BLM: variants seen among roughly 807,000 people sequenced by gnomAD.
BLM encodes BLM RecQ like helicase.
BLM carries 95 observed loss-of-function variants against 135.3 expected under a neutral mutation model. The observed-to-expected ratio is 0.70, with a 90% CI of 0.59 to 0.83. The LOEUF is 0.83. BLM is among the 40% of genes least tolerant of loss of function. BLM has a pLI of 0.00. For missense variants in BLM, 1,518 were observed against 1,663.9 expected (o/e 0.91, Z 1.53); for synonymous variants, 520 against 589.2 (o/e 0.88, Z 1.70).
At chr15:90,770,422 C>T (rs1334890801) in intron 12 of BLM, among the ~76,000 whole-genome samples, 2 of 152,120 alleles carry the variant, frequency 1.3e-5, no homozygotes, top group Admixed American at 6.5e-5. Context: ...GTGATCCGCC[C>T]GCCTTGGCCT....
intron 5 of BLM, among the ~76,000 whole-genome samples, chr15:90,756,193 T>TA (rs1419711786): frequency 6.6e-6 from 1 of 151,994 alleles, no homozygotes; most frequent in African/African-American, 2.4e-5. Flanking sequence ...AGCCTCCGCC[T>TA]TCCAGGATCA....
chr15:90,771,182 G>C (rs967067873), intron 12 of BLM, among the ~76,000 whole-genome samples: 7 of 152,256 alleles, frequency 4.6e-5, no homozygotes, highest in Middle Eastern at 6.8e-3. Flanking sequence ...GCATTATAAT[G>C]CTATATTTAA....
rs187264165 is a variant in BLM at position 90,772,306 on chromosome 15, T to A, written c.2555+2720T>A. 3.2e-3 allele frequency among the ~76,000 whole-genome samples: 488 copies of A among 152,286 alleles called. 1 individual carries two copies. The highest frequency in any genetic ancestry group is 2.3e-3 in the Non-Finnish European group (158 of 68,018). ...TAATATTCTTCCTCTTTGGGAAATA[T>A]AAGGCACACAAAAAAGGCTTTATTC... On this transcript the variant is annotated intron_variant, in intron 12 of 21. Coordinates refer to ENST00000355112, the MANE Select transcript of BLM (RefSeq NM_000057.4).
At chr15:90,735,614 C>A (rs1895193857) in intron 1 of BLM, among the ~76,000 whole-genome samples, 1 of 151,950 alleles carries the variant, frequency 6.6e-6, no homozygotes, top group Admixed American at 6.6e-5. Context: ...GCTGGGACAA[C>A]TTGTTAGCCA....
intron 1 of BLM, among the ~76,000 whole-genome samples, chr15:90,722,135 A>G (rs977467541): frequency 2.0e-5 from 3 of 151,478 alleles, no homozygotes; most frequent in Admixed American, 6.6e-5. Flanking sequence ...TTTGAGACAG[A>G]GTCTCACTCT....
intron 11 of BLM, 22 bp downstream of exon 11, chr15:90,769,253 C>T (rs766316294): frequency 3.0e-5 from 48 of 1,576,110 alleles, no homozygotes; most frequent in Admixed American, 1.3e-4. Context: ...TTTTTATATC[C>T]GGAAATACCG....
intron 7 of BLM, among the ~76,000 whole-genome samples, chr15:90,761,644 G>A (rs1895990430): frequency 6.6e-6 from 1 of 152,120 alleles, no homozygotes; most frequent in Non-Finnish European, 1.5e-5. Flanking sequence ...GATGAGAATC[G>A]ATTAATACAA....
intron 19 of BLM, among the ~76,000 whole-genome samples, chr15:90,804,761 G>A (rs1384705286): frequency 4.6e-5 from 7 of 152,174 alleles, no homozygotes; most frequent in African/African-American, 1.7e-4. Flanking sequence ...GAGCCACTGA[G>A]CCTGGCCTCA....
chr15:90,765,736 A>G (rs1240105907), intron 9 of BLM, among the ~76,000 whole-genome samples: 1 of 152,226 alleles, frequency 6.6e-6, no homozygotes, highest in Non-Finnish European at 1.5e-5. Context: ...CTTAAAGTGC[A>G]TACACACATG....
intron 16 of BLM, 120 bp from the exon 17 acceptor site, chr15:90,798,070 T>C: frequency 1.3e-6 from 1 of 790,710 alleles, no homozygotes; most frequent in South Asian, 2.0e-5. Context: ...CCGTAGGTTT[T>C]GGTCTCGGTA....
chr15:90,790,542 G>A (rs1567056439), intron 14 of BLM, 107 bp from the exon 15 acceptor site: 2 of 1,046,954 alleles, frequency 1.9e-6, no homozygotes. Context: ...TATGTAGTGT[G>A]CATTTTAAAG....
chr15:90,727,693 T>C (rs1894954556), intron 1 of BLM, among the ~76,000 whole-genome samples: 1 of 152,126 alleles, frequency 6.6e-6, no homozygotes, highest in African/African-American at 2.4e-5. Flanking sequence ...ATGCACTTTC[T>C]CAGGGGTTAG....
At chr15:90,789,293 TAAAC>T (rs952678742) in intron 14 of BLM, among the ~76,000 whole-genome samples, 6 of 152,104 alleles carry the variant, frequency 3.9e-5, no homozygotes, top group Admixed American at 1.3e-4. Context: ...AAATCACAAT[TAAAC>T]AAAGCCACTT....
chr15:90,813,430 G>A (rs1299131725), intron 21 of BLM, among the ~76,000 whole-genome samples: 3 of 152,104 alleles, frequency 2.0e-5, no homozygotes, highest in African/African-American at 7.2e-5. Flanking sequence ...TTTTGCTCTT[G>A]TCACCCAGGC....
chr15:90,781,926 C>T (rs946276359), intron 12 of BLM, among the ~76,000 whole-genome samples: 1 of 152,192 alleles, frequency 6.6e-6, no homozygotes, highest in Non-Finnish European at 1.5e-5. Flanking sequence ...AGACTGGGCT[C>T]CTGACTTACT....
At chr15:90,731,846 C>T (rs1206348701) in intron 1 of BLM, among the ~76,000 whole-genome samples, 1 of 151,374 alleles carries the variant, frequency 6.6e-6, no homozygotes, top group Non-Finnish European at 1.5e-5. Flanking sequence ...TATTTTGAGA[C>T]CGGTTTATGA....
chr15:90,777,918 T>A (rs550432582), intron 12 of BLM, among the ~76,000 whole-genome samples: 52 of 152,356 alleles, frequency 3.4e-4, no homozygotes, highest in African/African-American at 1.1e-3. Context: ...GTTGTAGCAT[T>A]GGTCAGTAAG....
In BLM at chr15:90,793,133, A is replaced by C. The variant is rs112180958; in HGVS notation, c.3020-1034A>C. ...AAAAAAATAATATTTTTTAAAAATT[A>C]TTTTCTTTTTTTTTTTTTTGAGACG... is the stretch of plus-strand genomic sequence containing the variant. On this transcript the variant is annotated intron_variant, in intron 15 of 21. Transcript: ENST00000355112. Among the ~76,000 whole-genome samples the C allele has an allele frequency of 6.0e-3, 902 of 149,508 alleles. 11 individuals are homozygous for C. Among genetic ancestry groups the C allele is most frequent in the African/African-American group, 0.021 (866 of 40,608 alleles).
chr15:90,767,276 A>T (rs1896160252), intron 10 of BLM, among the ~76,000 whole-genome samples: 1 of 152,210 alleles, frequency 6.6e-6, no homozygotes, highest in African/African-American at 2.4e-5. Context: ...TACATTTCCT[A>T]AAAACAACGT....
Sources: allele counts gnomAD v4.1 joint callset (sites outside exome capture counted in the v4.1 genomes callset), GRCh38; gene constraint gnomAD v4.1.1; transcripts MANE v1.5; gene names NCBI Gene and HGNC (gene_info 2026-07-23, HGNC 2026-07-21).